ERI3: variants seen among roughly 807,000 people sequenced by gnomAD.
The protein encoded by ERI3 is ERI1 exoribonuclease family member 3.
A neutral mutation model predicts 44.4 loss-of-function variants in ERI3; 18 were observed. That is an observed-to-expected ratio of 0.41 (90% CI 0.28 to 0.60). The LOEUF is 0.60. ERI3 is among the 20% of genes least tolerant of loss of function. ERI3 has a pLI of 0.36. For missense variants in ERI3, 294 were observed against 435.5 expected, an observed-to-expected ratio of 0.68 and a Z score of 2.89; for synonymous variants, 183 against 164.8, an observed-to-expected ratio of 1.11 and a Z score of -0.84.
chr1:44,290,836 T>A (rs1645491648), intron 6 of ERI3, among the ~76,000 whole-genome samples: 1 of 152,266 alleles, frequency 6.6e-6, no homozygotes, highest in Non-Finnish European at 1.5e-5. Flanking sequence ...CAGAGGTGCC[T>A]ATCTCCTCCC....
At chr1:44,267,803 C>T (rs1468229423) in intron 7 of ERI3, among the ~76,000 whole-genome samples, 10 of 152,212 alleles carry the variant, frequency 6.6e-5, no homozygotes, top group Non-Finnish European at 2.9e-5. Flanking sequence ...AAACTCAAGC[C>T]TACCTGCCCA....
chr1:44,294,613 T>C (rs1479828876), intron 6 of ERI3, among the ~76,000 whole-genome samples: 1 of 152,244 alleles, frequency 6.6e-6, no homozygotes, highest in Non-Finnish European at 1.5e-5. Flanking sequence ...GTAGAAGTGC[T>C]GGAGCTGCCA....
rs867774938 is a variant in ERI3, at chr1:44,343,702, C to T, written c.212-4380G>A. ...AACATTCCTAGGACAACTGGCAAAA[C>T]TTTAATGGGGTCCAAGGTTTATATA... On this transcript the variant is annotated intron_variant, in intron 2 of 8. Transcript: ENST00000372257. Among the ~76,000 whole-genome samples, 43 of 152,282 alleles carry T rather than the reference C, an allele frequency of 2.8e-4. 1 individual carries two copies. In the Middle Eastern group the frequency reaches 0.034, roughly 120 times the overall value.
At position 44,235,909 on chromosome 1, in the gene ERI3, G is replaced by T. The variant is rs1057128741; in HGVS notation, c.931+12030C>A. Among the ~76,000 whole-genome samples, 1 of 152,198 alleles carries T rather than the reference G, an allele frequency of 6.6e-6. No homozygotes were observed. The highest frequency in any genetic ancestry group is 1.5e-5 in the Non-Finnish European group (1 of 68,018). ...TAGCTATGCCTAGGGACTCTGGGAA[G>T]GGGGGATGCCCTCCCTAAGCCGTGT... On this transcript the variant is annotated intron_variant, in intron 8 of 8. Transcript: ENST00000372257. This position sits in a 1 kb window ranked among gnomAD's most constrained non-coding sequence, Gnocchi z 4.6.
intron 8 of ERI3, chr1:44,230,486 T>C (rs1354577481): frequency 6.6e-6 from 1 of 152,222 alleles, no homozygotes; most frequent in Non-Finnish European, 1.5e-5. Flanking sequence ...GTGGATTCAA[T>C]AGGAAGGTGT....
chr1:44,265,184 G>A (rs538599616), intron 7 of ERI3, among the ~76,000 whole-genome samples: 2 of 152,336 alleles, frequency 1.3e-5, no homozygotes, highest in African/African-American at 2.4e-5. Flanking sequence ...GAGTCTGCTC[G>A]AGGCCATTAT....
At chr1:44,270,942 A>G (rs1645076809) in intron 7 of ERI3, among the ~76,000 whole-genome samples, 1 of 152,218 alleles carries the variant, frequency 6.6e-6, no homozygotes, top group Non-Finnish European at 1.5e-5. Context: ...TAAGAGCTTT[A>G]CAAGCATGAT....
At chr1:44,299,388 C>T (rs1279346183) in intron 6 of ERI3, among the ~76,000 whole-genome samples, 2 of 152,012 alleles carry the variant, frequency 1.3e-5, no homozygotes, top group Non-Finnish European at 2.9e-5. Context: ...AGACAGGGCC[C>T]TGCTACCTCA....
chr1:44,342,812 AATATATATATATATATATAT>A (rs59012227), intron 2 of ERI3, among the ~76,000 whole-genome samples: 546 of 30,846 alleles, frequency 0.018, 27 homozygotes, highest in African/African-American at 0.043. Context: ...ACATCCAGCT[AATATATATATATATATATAT>A]ATATATATAT....
chr1:44,263,257 C>G (rs796653871), intron 7 of ERI3, among the ~76,000 whole-genome samples: 21 of 152,258 alleles, frequency 1.4e-4, no homozygotes, highest in African/African-American at 5.1e-4. Flanking sequence ...TGGGCCCAAG[C>G]GACCCAAGGA....
chr1:44,327,157 T>C (rs1557855039), intron 3 of ERI3, among the ~76,000 whole-genome samples: 1 of 152,238 alleles, frequency 6.6e-6, no homozygotes, highest in Non-Finnish European at 1.5e-5. Context: ...ACATTTGTCA[T>C]GAAATTAATT....
chr1:44,266,642 T>TG (rs1644995953), intron 7 of ERI3, among the ~76,000 whole-genome samples: 1 of 152,230 alleles, frequency 6.6e-6, no homozygotes, highest in South Asian at 2.1e-4. Context: ...CCCCAGTGCT[T>TG]GGCAGAGTGC....
chr1:44,317,302 C>G (rs1646109749), intron 4 of ERI3, among the ~76,000 whole-genome samples: 3 of 152,172 alleles, frequency 2.0e-5, no homozygotes, highest in African/African-American at 7.2e-5. Flanking sequence ...CCTCCATCCC[C>G]ACCCGCAAAA....
intron 7 of ERI3, among the ~76,000 whole-genome samples, chr1:44,274,125 G>T (rs184752610): frequency 6.6e-6 from 1 of 152,244 alleles, no homozygotes; most frequent in East Asian, 1.9e-4. Context: ...AGGCATTTCT[G>T]TCCCACAGAT....
At chr1:44,310,963 G>GCGTGCGCGCGCGCGCACACA (rs1373873768) in intron 5 of ERI3, among the ~76,000 whole-genome samples, 1 of 123,202 alleles carries the variant, frequency 8.1e-6, no homozygotes, top group Non-Finnish European at 1.7e-5. Flanking sequence ...GCGCGCGCGC[G>GCGTGCGCGCGCGCGCACACA]CACACACACA....
chr1:44,322,521 G>A (rs1646224722), intron 3 of ERI3, among the ~76,000 whole-genome samples: 3 of 152,110 alleles, frequency 2.0e-5, no homozygotes, highest in Admixed American at 6.5e-5. Context: ...TTCTCCCCAA[G>A]ACCAAGAAGA....
At chr1:44,273,442 C>A (rs1645125418) in intron 7 of ERI3, among the ~76,000 whole-genome samples, 1 of 152,212 alleles carries the variant, frequency 6.6e-6, no homozygotes, top group Admixed American at 6.5e-5. Context: ...TTCTTCATTT[C>A]TCTAAGTTTA....
intron 5 of ERI3, among the ~76,000 whole-genome samples, chr1:44,311,737 C>A (rs1645977542): frequency 6.6e-6 from 1 of 152,058 alleles, no homozygotes. Flanking sequence ...ACAGATGTTC[C>A]AGGAAAAAGG....
At chr1:44,317,144 G>GCA (rs10670781) in intron 4 of ERI3, among the ~76,000 whole-genome samples, 45,124 of 150,932 alleles carry the variant, frequency 0.3, 7,598 homozygotes, top group African/African-American at 0.48. Context: ...GCATGTGCGT[G>GCA]CACACACACA....
Sources: allele counts gnomAD v4.1 joint callset (sites outside exome capture counted in the v4.1 genomes callset), GRCh38; gene constraint gnomAD v4.1.1; non-coding constraint Gnocchi (gnomAD v3.1); transcripts MANE v1.5; gene names NCBI Gene and HGNC (gene_info 2026-07-23, HGNC 2026-07-21).